Variants in GPC3 observed in about 807,000 individuals in gnomAD.
The protein encoded by GPC3 is glypican-3.
A neutral mutation model predicts 34.4 loss-of-function variants in GPC3; 3 were observed. The ratio of observed to expected loss-of-function variants is 0.09; its 90% CI spans 0.04 to 0.23. The LOEUF is 0.23. Among genes scored for constraint, GPC3 ranks in the 10% least tolerant of loss-of-function variants. The pLI, the probability that GPC3 is intolerant of heterozygous loss-of-function variation, is 1.00. For synonymous variants in GPC3, 177 were observed against 174.0 expected (o/e 1.02, Z -0.13); for missense variants, 351 against 445.6 (o/e 0.79, Z 1.91).
intron 1 of GPC3, among the ~76,000 whole-genome samples, chrX:133,984,512 C>T (rs1465728838): frequency 9.0e-6 from 1 of 111,710 alleles, no homozygotes; most frequent in Non-Finnish European, 1.9e-5. Context: ...AAACTTTCCT[C>T]CACCTGAAAT....
chrX:133,657,936 G>GAGAGA (rs59330472), intron 6 of GPC3, among the ~76,000 whole-genome samples: 5 of 105,952 alleles, frequency 4.7e-5, no homozygotes, highest in African/African-American at 1.4e-4. Context: ...GAGAGAGAGA[G>GAGAGA]GAGAAGTATT....
Position 133,985,523 on chromosome X carries a change from C to T in GPC3, c.-74G>A, listed in dbSNP as rs1260801683. 2 of 997,544 alleles carry T rather than the reference C, an allele frequency of 2.0e-6. No homozygotes were observed. The highest frequency in any genetic ancestry group is 2.8e-6 in the Non-Finnish European group (2 of 723,577). 82.2% of individuals were successfully genotyped at this position (997,544 alleles called of 1,213,427 possible). ...GAGAGCAGTCCCAGGACTCGGCAAG[C>T]CTGGCAGTGGCCCTGAGGAGCAAGA... On this transcript the variant is annotated 5_prime_UTR_variant, in exon 1 of 8. Coordinates refer to ENST00000370818, the MANE Select transcript of GPC3 (RefSeq NM_004484.4).
intron 3 of GPC3, among the ~76,000 whole-genome samples, chrX:133,737,481 G>C (rs1281314976): frequency 8.9e-6 from 1 of 111,950 alleles, no homozygotes; most frequent in African/African-American, 3.2e-5. Flanking sequence ...CAAACGCTCT[G>C]TAATTTCTGC....
chrX:133,704,676 C>T (rs1030967025), intron 3 of GPC3, among the ~76,000 whole-genome samples: 2 of 110,239 alleles, frequency 1.8e-5, no homozygotes, highest in African/African-American at 3.3e-5. Flanking sequence ...CTCCACATGA[C>T]GGTCTTACGA....
At chrX:133,721,352 T>TA (rs1401839550) in intron 3 of GPC3, among the ~76,000 whole-genome samples, 1,071 of 91,903 alleles carry the variant, frequency 0.012, 13 homozygotes, top group Non-Finnish European at 0.018. Context: ...TTCACAGAAA[T>TA]AAAAAAAAAA....
intron 6 of GPC3, among the ~76,000 whole-genome samples, chrX:133,661,301 G>A (rs945536078): frequency 8.9e-5 from 10 of 112,204 alleles, no homozygotes; most frequent in South Asian, 7.4e-4. Context: ...AAAAGTCTGT[G>A]TGAGTGTGCC....
At chrX:133,574,420 T>C (rs1294639866) in intron 7 of GPC3, among the ~76,000 whole-genome samples, 1 of 112,196 alleles carries the variant, frequency 8.9e-6, no homozygotes, top group Non-Finnish European at 1.9e-5. Context: ...GAAAGCCATA[T>C]TAATATAAGC....
At chrX:133,923,191 G>A (rs1333671386) in intron 2 of GPC3, among the ~76,000 whole-genome samples, 1 of 111,762 alleles carries the variant, frequency 8.9e-6, no homozygotes, top group Non-Finnish European at 1.9e-5. Flanking sequence ...TTCCAGCAAA[G>A]AGCAATTTAA....
At chrX:133,638,065 T>A (rs1455792198) in intron 6 of GPC3, among the ~76,000 whole-genome samples, 1 of 111,749 alleles carries the variant, frequency 8.9e-6, no homozygotes, top group African/African-American at 3.3e-5. Context: ...GCACAAAGTG[T>A]CAGGTACCTA....
intron 1 of GPC3, among the ~76,000 whole-genome samples, chrX:133,979,329 A>C (rs1205626414): frequency 8.9e-6 from 1 of 112,332 alleles, no homozygotes; most frequent in African/African-American, 3.2e-5. Flanking sequence ...ATTCATGAGG[A>C]AAAATACAAA....
chrX:133,629,487 C>T (rs762590985), intron 6 of GPC3, among the ~76,000 whole-genome samples: 13 of 110,921 alleles, frequency 1.2e-4, no homozygotes, highest in African/African-American at 4.3e-4. Flanking sequence ...CCTCCACCCC[C>T]CAGGTTCAAG....
intron 2 of GPC3, among the ~76,000 whole-genome samples, chrX:133,880,426 G>C (rs1005384787): frequency 1.8e-5 from 2 of 111,625 alleles, no homozygotes; most frequent in African/African-American, 6.5e-5. Flanking sequence ...CTCTCCTACC[G>C]TTTCATAGTA....
intron 1 of GPC3, 148 bp downstream of exon 1, chrX:133,985,127 C>T: frequency 1.8e-6 from 1 of 569,698 alleles, no homozygotes; most frequent in Non-Finnish European, 2.9e-6. Context: ...TAGACCCAGC[C>T]AGGCCCCAGG....
intron 7 of GPC3, among the ~76,000 whole-genome samples, chrX:133,540,050 A>C (rs1043249158): frequency 8.9e-6 from 1 of 112,541 alleles, no homozygotes; most frequent in Non-Finnish European, 1.9e-5. Flanking sequence ...ATTGATCAAG[A>C]GACAATTCAA....
rs73564930 is a variant in GPC3, at chrX:133,753,271, A to G, written c.1032+211T>C. 0.048 allele frequency among the ~76,000 whole-genome samples: 5,363 copies of G among 111,624 alleles called. 345 individuals are homozygous for G. The highest frequency in any genetic ancestry group is 0.17 in the African/African-American group (5,054 of 30,595). Reference sequence around the variant, plus strand: ...CATAAAGATAAAATGACTTCCCAACATCGCACAGTAAGGAAGTAGGTGGAG... The same window carrying G: ...CATAAAGATAAAATGACTTCCCAACGTCGCACAGTAAGGAAGTAGGTGGAG... On this transcript the variant is annotated intron_variant, in intron 3 of 7. Transcript: ENST00000370818.
intron 1 of GPC3, among the ~76,000 whole-genome samples, chrX:133,973,776 C>G (rs2076503393): frequency 8.9e-6 from 1 of 112,130 alleles, no homozygotes; most frequent in Non-Finnish European, 1.9e-5. Flanking sequence ...AAGCAGAATA[C>G]AGACCAGAGC....
At chrX:133,842,032 C>T (rs146129352) in intron 2 of GPC3, among the ~76,000 whole-genome samples, 1,598 of 112,243 alleles carry the variant, frequency 0.014, 27 homozygotes, top group African/African-American at 0.048. Flanking sequence ...TTAATAAACT[C>T]CCTGCCGGGC....
intron 2 of GPC3, among the ~76,000 whole-genome samples, chrX:133,821,888 TTTGA>T (rs2075720692): frequency 9.0e-6 from 1 of 111,671 alleles, no homozygotes; most frequent in African/African-American, 3.3e-5. Context: ...ATTGCTTTGG[TTTGA>T]TTGAAGAGTC....
intron 5 of GPC3, among the ~76,000 whole-genome samples, chrX:133,669,650 A>G (rs2070807726): frequency 9.0e-6 from 1 of 111,457 alleles, no homozygotes; most frequent in Non-Finnish European, 1.9e-5. Flanking sequence ...ACTTAGTAAT[A>G]CTCATCTGTA....
Sources: gnomAD v4.1 joint callset for allele counts (sites outside exome capture counted in the v4.1 genomes callset) on GRCh38, gnomAD v4.1.1 for gene constraint, MANE v1.5 for transcripts, NCBI Gene and HGNC (gene_info 2026-07-23, HGNC 2026-07-21) for gene names.